Variants in KLHL29 observed in about 807,000 individuals in gnomAD.
KLHL29 encodes the protein kelch like family member 29.
In KLHL29, 21 loss-of-function variants were observed where a neutral mutation model predicts 80.4. That is an observed-to-expected ratio of 0.26 (90% CI 0.19 to 0.38). KLHL29 has a LOEUF of 0.38. Among genes scored for constraint, KLHL29 ranks in the 10% least tolerant of loss-of-function variants. The probability of loss-of-function intolerance (pLI) is 1.00; values close to 1 mark genes in which losing one functional copy is unlikely to be tolerated. For synonymous variants in KLHL29, 511 were observed against 526.8 expected (o/e 0.97, Z 0.41); for missense variants, 867 against 1,223.9 (o/e 0.71, Z 4.35).
intron 4 of KLHL29, among the ~76,000 whole-genome samples, chr2:23,639,958 T>A (rs745451320): frequency 6.6e-6 from 1 of 152,166 alleles, no homozygotes; most frequent in Non-Finnish European, 1.5e-5. Flanking sequence ...GCCCCCTGCA[T>A]CCCTCTTGAA....
At chr2:23,452,926 A>ACC (rs1663929890) in intron 1 of KLHL29, among the ~76,000 whole-genome samples, 1 of 151,342 alleles carries the variant, frequency 6.6e-6, no homozygotes. Flanking sequence ...ACACACACAC[A>ACC]CATCCCCCAG....
At chr2:23,703,634 T>C (rs961711457) in intron 12 of KLHL29, 85 bp from the exon 13 acceptor site, 3 of 1,431,200 alleles carry the variant, frequency 2.1e-6, no homozygotes, top group Non-Finnish European at 2.8e-6. Flanking sequence ...TCGAGCTTCC[T>C]TCCCTGGAGG....
At chr2:23,435,899 C>CTTTTT (rs769975340) in intron 1 of KLHL29, among the ~76,000 whole-genome samples, 1 of 135,440 alleles carries the variant, frequency 7.4e-6, no homozygotes, top group Non-Finnish European at 1.6e-5. Context: ...CTCTCTCTCT[C>CTTTTT]TTTTTTTTTT....
At chr2:23,515,997 C>G (rs1665909760) in intron 2 of KLHL29, among the ~76,000 whole-genome samples, 1 of 152,210 alleles carries the variant, frequency 6.6e-6, no homozygotes, top group Non-Finnish European at 1.5e-5. Context: ...TTTTGTGATT[C>G]TAAAGCTATA....
chr2:23,642,434 C>T lies in KLHL29; in HGVS notation c.524C>T (p.Ala175Val). The change falls in exon 5 of 14, where the codon GCT (alanine) becomes GTT (valine). Residue 175 changes from alanine to valine, a missense_variant. Coordinates refer to ENST00000486442, the MANE Select transcript of KLHL29 (RefSeq NM_052920.2). ...GCCCAGCCTCCCACCTTCAGCCCGGCTGTGAACGTCCAGGCCCCGGTCATT... is the reference window on the plus strand; with the variant it reads ...GCCCAGCCTCCCACCTTCAGCCCGGTTGTGAACGTCCAGGCCCCGGTCATT... ...GVAQPPTFSP[A>V]VNVQAPVIGV... 1 of 1,497,434 alleles carries T rather than the reference C, an allele frequency of 6.7e-7. No individual in the cohort carries two copies. Among genetic ancestry groups the T allele is most frequent in the Non-Finnish European group, 8.9e-7 (1 of 1,117,706 alleles). 92.8% of individuals were successfully genotyped at this position (1,497,434 alleles called of 1,614,324 possible).
intron 5 of KLHL29, among the ~76,000 whole-genome samples, chr2:23,650,237 G>A (rs928402309): frequency 6.6e-6 from 1 of 152,224 alleles, no homozygotes; most frequent in Admixed American, 6.5e-5. Context: ...GAGCCTGCAG[G>A]AAAGTTAAGG....
At chr2:23,664,495 G>A (rs1003386491) in intron 5 of KLHL29, among the ~76,000 whole-genome samples, 3 of 152,208 alleles carry the variant, frequency 2.0e-5, no homozygotes, top group Non-Finnish European at 4.4e-5. Context: ...CTGGCCTGGG[G>A]TCTCAACTCT....
At chr2:23,643,966 C>T (rs1669849445) in intron 5 of KLHL29, 1 of 150,352 alleles carries the variant, frequency 6.7e-6, no homozygotes, top group Non-Finnish European at 1.5e-5. Flanking sequence ...TTCGGCAGAG[C>T]AAGGAACCCC....
At chr2:23,667,022 A>T (rs1382822990) in intron 5 of KLHL29, among the ~76,000 whole-genome samples, 2 of 152,172 alleles carry the variant, frequency 1.3e-5, no homozygotes, top group African/African-American at 2.4e-5. Context: ...AGTCAGGCTC[A>T]GTGAGGTTCC....
chr2:23,587,814 C>T (rs1489915083), intron 3 of KLHL29, among the ~76,000 whole-genome samples: 4 of 152,238 alleles, frequency 2.6e-5, no homozygotes, highest in Admixed American at 2.0e-4. Flanking sequence ...GTCTAAAGTC[C>T]GTGTGGTCCT....
chr2:23,573,108 C>T (rs1481408977), intron 3 of KLHL29, among the ~76,000 whole-genome samples: 3 of 152,184 alleles, frequency 2.0e-5, no homozygotes, highest in Non-Finnish European at 2.9e-5. Context: ...GAAGCTGTGT[C>T]GGGGGCGCAG....
At chr2:23,424,022 TGAG>T (rs1168349051) in intron 1 of KLHL29, among the ~76,000 whole-genome samples, 3 of 152,174 alleles carry the variant, frequency 2.0e-5, no homozygotes, top group Non-Finnish European at 4.4e-5. Context: ...AGCACAGCCC[TGAG>T]GTGCTGCCTC....
intron 11 of KLHL29, chr2:23,697,987 C>G (rs1042615896): frequency 1.3e-5 from 2 of 152,226 alleles, no homozygotes; most frequent in African/African-American, 4.8e-5. Context: ...TCCTAAGACA[C>G]TGATTACTCA....
At chr2:23,654,179 T>TAAA (rs112929224) in intron 5 of KLHL29, among the ~76,000 whole-genome samples, 22 of 146,266 alleles carry the variant, frequency 1.5e-4, no homozygotes, top group Admixed American at 4.1e-4. Flanking sequence ...AAAATAAATT[T>TAAA]AAAAAAAAAA....
chr2:23,554,396 A>T (rs1327987525), intron 2 of KLHL29, among the ~76,000 whole-genome samples: 1 of 152,218 alleles, frequency 6.6e-6, no homozygotes, highest in Non-Finnish European at 1.5e-5. Flanking sequence ...CTCATTCCTC[A>T]GCCAGCCACC....
intron 2 of KLHL29, among the ~76,000 whole-genome samples, chr2:23,547,648 G>A (rs952518525): frequency 6.6e-6 from 1 of 151,950 alleles, no homozygotes; most frequent in African/African-American, 2.4e-5. Flanking sequence ...TAGACATCGT[G>A]CCCAAAAGTG....
At chr2:23,395,311 C>T (rs1431762090) in intron 1 of KLHL29, among the ~76,000 whole-genome samples, 1 of 152,164 alleles carries the variant, frequency 6.6e-6, no homozygotes, top group Non-Finnish European at 1.5e-5. Context: ...CCTACATTGG[C>T]CGCTGCTGCT....
intron 1 of KLHL29, among the ~76,000 whole-genome samples, chr2:23,434,849 C>T (rs1339028967): frequency 1.3e-5 from 2 of 152,076 alleles, no homozygotes; most frequent in Non-Finnish European, 2.9e-5. Flanking sequence ...GGCCCAGCAT[C>T]GTGTGGTCGA....
At chr2:23,691,574 C>A in intron 6 of KLHL29, 100 bp from the exon 7 acceptor site, 1 of 990,368 alleles carries the variant, frequency 1.0e-6, no homozygotes, top group Non-Finnish European at 1.5e-6. Flanking sequence ...GCCCTAAAAC[C>A]AAGGGCATGA....
Sources: gnomAD v4.1 joint callset for allele counts (sites outside exome capture counted in the v4.1 genomes callset) on GRCh38, gnomAD v4.1.1 for gene constraint, MANE v1.5 for transcripts, NCBI Gene and HGNC (gene_info 2026-07-23, HGNC 2026-07-21) for gene names.